Variants in SLC12A8 observed in about 807,000 individuals in gnomAD.
SLC12A8 encodes the protein cation-chloride cotransporter 9.
A neutral mutation model predicts 75.6 loss-of-function variants in SLC12A8; 69 were observed. The observed-to-expected ratio is 0.91, with a 90% CI of 0.75 to 1.11. The LOEUF is 1.11. Among genes scored for constraint, SLC12A8 ranks in the 50% most tolerant of loss-of-function variants. The pLI is 0.00. For missense variants in SLC12A8, 877 were observed against 896.7 expected, an observed-to-expected ratio of 0.98 and a Z score of 0.28; for synonymous variants, 365 against 372.8, an observed-to-expected ratio of 0.98 and a Z score of 0.24.
At chr3:125,101,363 TAAC>T (rs1938871530) in intron 10 of SLC12A8, among the ~76,000 whole-genome samples, 2 of 152,254 alleles carry the variant, frequency 1.3e-5, no homozygotes, top group African/African-American at 2.4e-5. Context: ...TAATAATACT[TAAC>T]AATAAGAATT....
rs374167824 is a variant in SLC12A8 at position 125,108,118 on chromosome 3, T to G, written c.1068A>C (p.Pro356=). Residue 356 remains proline, a synonymous_variant, in exon 10 of 14, where the codon CCA becomes CCC. Transcript: ENST00000469902. ...AGATGGCAGCCACGGGTGTTTTGTTTGGCCCCTTCTGCAGGAACAAAAATA... is the reference window on the plus strand; with the variant it reads ...AGATGGCAGCCACGGGTGTTTTGTTGGGCCCCTTCTGCAGGAACAAAAATA... The part of the protein sequence containing the change: ...ALACLGQGKG[P]NKTPVAAICL... 1 of 1,612,260 alleles carries G rather than the reference T, an allele frequency of 6.2e-7. No individual in the cohort carries two copies. Among genetic ancestry groups the G allele is most frequent in the Non-Finnish European group, 8.5e-7 (1 of 1,178,950 alleles).
intron 5 of SLC12A8, among the ~76,000 whole-genome samples, chr3:125,163,598 CAA>C (rs11381972): frequency 4.3e-5 from 6 of 140,558 alleles, no homozygotes; most frequent in African/African-American, 1.3e-4. Context: ...GACTCTGTCT[CAA>C]AAAAAAAAAA....
intron 2 of SLC12A8, among the ~76,000 whole-genome samples, chr3:125,191,787 C>T (rs1934914252): frequency 6.6e-6 from 1 of 152,074 alleles, no homozygotes; most frequent in South Asian, 2.1e-4. Flanking sequence ...GAAGGGGCCT[C>T]GAGAAATACT....
intron 6 of SLC12A8, among the ~76,000 whole-genome samples, chr3:125,133,362 C>T (rs80310502): frequency 3.4e-4 from 43 of 126,908 alleles, no homozygotes; most frequent in African/African-American, 1.0e-3. Context: ...CACACACACA[C>T]GCACACACAC....
chr3:125,177,831 C>A lies in SLC12A8; in HGVS notation c.534G>T (p.Trp178Cys), dbSNP rs1560077092. The change falls in exon 5 of 14, where the codon TGG becomes TGT. Residue 178 changes from tryptophan to cysteine, a missense_variant. Coordinates refer to ENST00000469902, the MANE Select transcript of SLC12A8 (RefSeq NM_024628.6). The part of the protein sequence containing the change: ...LLGINLAGVK[W>C]IIRLQLLLLF... ...GCAACAGCAGCTGGAGGCGGATTAT[C>A]CATTTGACACCTGCGAGGTTAATGC... The A allele has an allele frequency of 6.2e-7, 1 of 1,614,180 alleles. No individual in the cohort carries two copies. Among genetic ancestry groups the A allele is most frequent in the African/African-American group, 1.3e-5 (1 of 75,038 alleles).
At chr3:125,195,049 G>A (rs139989030) in intron 2 of SLC12A8, among the ~76,000 whole-genome samples, 5 of 152,174 alleles carry the variant, frequency 3.3e-5, no homozygotes, top group Non-Finnish European at 5.9e-5. Context: ...GCCTCAGGGG[G>A]GTTTTGTAAA....
intron 5 of SLC12A8, among the ~76,000 whole-genome samples, chr3:125,149,457 G>T (rs1022883935): frequency 1.3e-5 from 2 of 152,318 alleles, no homozygotes; most frequent in Admixed American, 6.5e-5. Flanking sequence ...TGCTGGCCAG[G>T]GGTGATGGGG....
chr3:125,139,578 G>A (rs1018533072), intron 5 of SLC12A8, among the ~76,000 whole-genome samples: 5 of 152,112 alleles, frequency 3.3e-5, no homozygotes, highest in Non-Finnish European at 5.9e-5. Context: ...CTGGGGCCTG[G>A]GTCTCTTTCC....
chr3:125,205,667 G>A (rs1935214024), intron 2 of SLC12A8, among the ~76,000 whole-genome samples: 1 of 152,198 alleles, frequency 6.6e-6, no homozygotes, highest in Non-Finnish European at 1.5e-5. Flanking sequence ...CTTGTCTTCT[G>A]CTGCCTTTAA....
chr3:125,148,358 C>T (rs556068089), intron 5 of SLC12A8, among the ~76,000 whole-genome samples: 1 of 152,256 alleles, frequency 6.6e-6, no homozygotes, highest in Admixed American at 6.5e-5. Flanking sequence ...CTTCAAAACA[C>T]GTCCCTGAAG....
intron 13 of SLC12A8, among the ~76,000 whole-genome samples, chr3:125,087,526 G>A (rs762947702): frequency 5.9e-5 from 9 of 152,080 alleles, no homozygotes; most frequent in East Asian, 1.9e-4. Context: ...AGTACAACCC[G>A]GACATCTAGA....
chr3:125,201,938 C>T (rs1935128862), intron 2 of SLC12A8, among the ~76,000 whole-genome samples: 1 of 151,980 alleles, frequency 6.6e-6, no homozygotes. Context: ...GATGGAGTCT[C>T]ACTCTGTCAC....
At chr3:125,186,295 T>G (rs976288314) in intron 4 of SLC12A8, among the ~76,000 whole-genome samples, 2 of 152,186 alleles carry the variant, frequency 1.3e-5, no homozygotes, top group Admixed American at 6.5e-5. Flanking sequence ...GGCCATCTGT[T>G]TGCCTTTCCT....
At chr3:125,137,598 C>CCGCCT (rs1425077113) in intron 5 of SLC12A8, among the ~76,000 whole-genome samples, 81 of 152,292 alleles carry the variant, frequency 5.3e-4, no homozygotes, top group African/African-American at 1.9e-3. Context: ...CCCGGCAGGC[C>CCGCCT]CGCCTCGCAG....
chr3:125,177,046 T>G (rs1338565141), intron 5 of SLC12A8, among the ~76,000 whole-genome samples: 1 of 151,808 alleles, frequency 6.6e-6, no homozygotes, highest in African/African-American at 2.4e-5. Context: ...TGCGGCACTG[T>G]TCACAATAGC....
At chr3:125,088,945 G>T (rs1222079167) in intron 12 of SLC12A8, among the ~76,000 whole-genome samples, 1 of 152,150 alleles carries the variant, frequency 6.6e-6, no homozygotes, top group African/African-American at 2.4e-5. Flanking sequence ...CAAACACACA[G>T]ATTTGAATAG....
chr3:125,122,920 T>A (rs1933098951), intron 6 of SLC12A8, among the ~76,000 whole-genome samples: 1 of 152,106 alleles, frequency 6.6e-6, no homozygotes, highest in Non-Finnish European at 1.5e-5. Flanking sequence ...AAGAAGAATA[T>A]TCTATCTATA....
intron 5 of SLC12A8, among the ~76,000 whole-genome samples, chr3:125,141,736 C>T (rs1933644745): frequency 6.6e-6 from 1 of 152,106 alleles, no homozygotes; most frequent in South Asian, 2.1e-4. Flanking sequence ...CGGCGGCGCT[C>T]TCTTCTGGGT....
At chr3:125,110,393 C>A (rs1009846555) in intron 8 of SLC12A8, 58 bp from the exon 9 acceptor site, 30 of 1,552,102 alleles carry the variant, frequency 1.9e-5, no homozygotes, top group African/African-American at 4.1e-5. Context: ...GCCTTTCTAC[C>A]CCCCCAGCAC....
Sources: gnomAD v4.1 joint callset for allele counts (sites outside exome capture counted in the v4.1 genomes callset) on GRCh38, gnomAD v4.1.1 for gene constraint, MANE v1.5 for transcripts, NCBI Gene and HGNC (gene_info 2026-07-23, HGNC 2026-07-21) for gene names.